Variants in NFIB observed in about 807,000 individuals in gnomAD.
NFIB encodes nuclear factor 1 B-type.
A neutral mutation model predicts 61.5 loss-of-function variants in NFIB; 11 were observed. The observed-to-expected ratio is 0.18, with a 90% confidence interval of 0.11 to 0.30. The LOEUF (loss-of-function observed/expected upper bound fraction) is 0.30. NFIB is among the 10% of genes least tolerant of loss of function. The probability of loss-of-function intolerance (pLI) is 1.00; values close to 1 mark genes in which losing one functional copy is unlikely to be tolerated. For missense variants in NFIB, 471 were observed against 608.9 expected, an observed-to-expected ratio of 0.77 and a Z score of 2.38; for synonymous variants, 260 against 216.5, an observed-to-expected ratio of 1.20 and a Z score of -1.76.
intron 2 of NFIB, among the ~76,000 whole-genome samples, chr9:14,248,241 C>T (rs552040454): frequency 6.6e-6 from 1 of 151,312 alleles, no homozygotes; most frequent in African/African-American, 2.4e-5. Flanking sequence ...CCTAGCAATC[C>T]TCCCACCTAA....
At chr9:14,294,039 G>C (rs2059266927) in intron 2 of NFIB, among the ~76,000 whole-genome samples, 1 of 152,038 alleles carries the variant, frequency 6.6e-6, no homozygotes, top group Non-Finnish European at 1.5e-5. Context: ...GTTTCTCCAT[G>C]CACATGTTTT....
chr9:14,509,401 C>T, the NFIB span, among the ~76,000 whole-genome samples: 2 of 152,202 alleles, frequency 1.3e-5, no homozygotes, highest in Admixed American at 1.3e-4. Flanking sequence ...AAAACCATAC[C>T]ATTCCTTGCT....
intron 1 of NFIB, among the ~76,000 whole-genome samples, chr9:14,397,115 CTCT>C (rs919983085): frequency 2.6e-5 from 4 of 152,262 alleles, no homozygotes; most frequent in Admixed American, 6.5e-5. Flanking sequence ...TTCTTTCTCA[CTCT>C]TCTTCTTTAA....
intron 1 of NFIB, among the ~76,000 whole-genome samples, chr9:14,341,139 A>C (rs2060944778): frequency 6.6e-6 from 1 of 152,210 alleles, no homozygotes; most frequent in Non-Finnish European, 1.5e-5. Flanking sequence ...GGAAGGCTTC[A>C]GAATCTGCTA....
chr9:14,239,089 C>G (rs980384876), intron 2 of NFIB, among the ~76,000 whole-genome samples: 1 of 152,158 alleles, frequency 6.6e-6, no homozygotes, highest in African/African-American at 2.4e-5. Context: ...GTAATATGCC[C>G]ATTACATAGG....
At chr9:14,412,301 C>T in the NFIB span, among the ~76,000 whole-genome samples, 5 of 152,130 alleles carry the variant, frequency 3.3e-5, no homozygotes, top group Non-Finnish European at 5.9e-5. Flanking sequence ...GAACAATTTA[C>T]GCTTTCAGAA....
chr9:14,496,121 C>A, the NFIB span, among the ~76,000 whole-genome samples: 1 of 152,192 alleles, frequency 6.6e-6, no homozygotes, highest in African/African-American at 2.4e-5. Flanking sequence ...TATTTTCACT[C>A]TTACATGTTG....
the NFIB span, among the ~76,000 whole-genome samples, chr9:14,459,916 G>C: frequency 1.3e-5 from 2 of 151,570 alleles, no homozygotes; most frequent in African/African-American, 4.8e-5. Flanking sequence ...TTACACTGTT[G>C]GGGGGACTGT....
chr9:14,145,414 T>C (rs986555281), intron 6 of NFIB, among the ~76,000 whole-genome samples: 1 of 152,138 alleles, frequency 6.6e-6, no homozygotes, highest in Non-Finnish European at 1.5e-5. Flanking sequence ...GGAGGTACAC[T>C]TGACTCAAAG....
At chr9:14,386,309 G>A (rs1325935498) in intron 1 of NFIB, among the ~76,000 whole-genome samples, 3 of 152,138 alleles carry the variant, frequency 2.0e-5, no homozygotes, top group Non-Finnish European at 4.4e-5. Flanking sequence ...CACAACTTAG[G>A]AGCATATGCT....
chr9:14,103,174 T>A (rs1478344939), intron 10 of NFIB, among the ~76,000 whole-genome samples: 1 of 152,196 alleles, frequency 6.6e-6, no homozygotes, highest in Non-Finnish European at 1.5e-5. Context: ...GAATACAAGC[T>A]GAAACAAATT....
intron 2 of NFIB, among the ~76,000 whole-genome samples, chr9:14,218,357 C>T (rs972348107): frequency 4.6e-5 from 7 of 152,166 alleles, no homozygotes; most frequent in African/African-American, 1.7e-4. Flanking sequence ...TCAGTGCCTT[C>T]CTGAACTAAG....
chr9:14,150,261 G>A lies in NFIB; in HGVS notation c.690C>T (p.Pro230=). 1 of 1,613,294 alleles carries A rather than the reference G, an allele frequency of 6.2e-7. No homozygotes were observed. The highest frequency in any genetic ancestry group is 8.5e-7 in the Non-Finnish European group (1 of 1,179,424). The part of the protein sequence containing the change: ...VSELVRVSRT[P]ITQGTGVNFP... ...AGTTGACTCCAGTTCCCTGGGTTAT[G>A]GGCGCTGAGGAATAAGACAAAGAAG... Residue 230 remains proline, a synonymous_variant, in exon 5 of 11, where the codon CCC becomes CCT. Coordinates refer to ENST00000380953, the MANE Select transcript of NFIB (RefSeq NM_001190737.2).
chr9:14,495,474 A>G, the NFIB span, among the ~76,000 whole-genome samples: 2 of 62,914 alleles, frequency 3.2e-5, no homozygotes, highest in South Asian at 1.5e-3. Context: ...TGTCTGAGAG[A>G]CAGAGTTAGA....
intron 2 of NFIB, among the ~76,000 whole-genome samples, chr9:14,294,979 G>A (rs1007192127): frequency 3.9e-5 from 6 of 152,194 alleles, no homozygotes. Context: ...ACCAACCAGA[G>A]CTACTGAAGT....
At chr9:14,123,901 C>T (rs2039291999) in intron 7 of NFIB, among the ~76,000 whole-genome samples, 1 of 152,138 alleles carries the variant, frequency 6.6e-6, no homozygotes, top group African/African-American at 2.4e-5. Context: ...CCCTCTTCTT[C>T]CTAGTTTGTT....
rs398040365 is a variant in NFIB, at chr9:14,122,101, G to GA, written c.1061-1478dup. Among the ~76,000 whole-genome samples the GA allele has an allele frequency of 3.2e-3, 207 of 65,492 alleles. 2 individuals are homozygous for GA. The highest frequency in any genetic ancestry group is 0.019 in the African/African-American group (200 of 10,710). The allele number at this position is 65,492 out of a possible 152,430, so 43.0% of individuals were successfully genotyped here. On this transcript the variant is annotated intron_variant, in intron 7 of 10. Transcript: ENST00000380953. Reference sequence around the variant, plus strand: ...TTTTATGAGACAACTTAAAGAATATGAAAAAAAATAAATTTTAGCCATAAC... The same window carrying GA: ...TTTTATGAGACAACTTAAAGAATATGAAAAAAAAATAAATTTTAGCCATAAC...
At position 14,092,492 on chromosome 9, in the gene NFIB, ATCTG is replaced by A. The variant is rs1563775222; in HGVS notation, c.1468-4170_1468-4167del. 2.0e-5 allele frequency among the ~76,000 whole-genome samples: 3 copies of A among 152,158 alleles called. No homozygotes were observed. The East Asian group carries it at 5.8e-4, about 29-fold the overall frequency. ...CACTTAGCCCTCAGTTATGACTCAG[ATCTG>A]TCTGATTTCCCTGGCCATTTCACTA... On this transcript the variant is annotated intron_variant, in intron 10 of 10. Coordinates refer to ENST00000380953, the MANE Select transcript of NFIB (RefSeq NM_001190737.2).
At chr9:14,354,258 C>T (rs184342091) in intron 1 of NFIB, among the ~76,000 whole-genome samples, 1 of 152,220 alleles carries the variant, frequency 6.6e-6, no homozygotes, top group East Asian at 1.9e-4. Context: ...AAAAAAATAG[C>T]TCTTTTGAGC....
Sources: allele counts gnomAD v4.1 joint callset (sites outside exome capture counted in the v4.1 genomes callset), GRCh38; gene constraint gnomAD v4.1.1; transcripts MANE v1.5; gene names NCBI Gene and HGNC (gene_info 2026-07-23, HGNC 2026-07-21).